Variants in MROH2B observed in about 807,000 individuals in gnomAD.
MROH2B encodes the protein maestro heat-like repeat-containing protein family member 2B.
In MROH2B, 177 loss-of-function variants were observed where a neutral mutation model predicts 208.6. The ratio of observed to expected loss-of-function variants is 0.85; its 90% CI spans 0.75 to 0.96. MROH2B has a LOEUF of 0.96. Ranked by LOEUF, MROH2B falls within the 40% of genes least tolerant of loss-of-function variation. The probability of loss-of-function intolerance (pLI) is 0.00; values close to 1 mark genes in which losing one functional copy is unlikely to be tolerated. For synonymous variants in MROH2B, 728 were observed against 659.0 expected (o/e 1.10, Z -1.60); for missense variants, 2,002 against 1,878.7 (o/e 1.07, Z -1.21).
intron 35 of MROH2B, 83 bp downstream of exon 35, chr5:41,005,448 C>A: frequency 5.3e-6 from 2 of 380,832 alleles, no homozygotes; most frequent in South Asian, 2.6e-5. Flanking sequence ...TTCCCTGGTT[C>A]CAGTGCACAC....
At chr5:41,004,693 G>T in intron 36 of MROH2B, 81 bp downstream of exon 36, 1 of 1,547,044 alleles carries the variant, frequency 6.5e-7, no homozygotes. Flanking sequence ...TAATTTGTAT[G>T]CAACAACTAG....
intron 29 of MROH2B, among the ~76,000 whole-genome samples, 160 bp from the exon 30 acceptor site, chr5:41,012,895 G>A (rs1319654770): frequency 6.6e-6 from 1 of 152,188 alleles, no homozygotes; most frequent in Non-Finnish European, 1.5e-5. Context: ...CTAGAACAGG[G>A]CATAGACATG....
rs748366162 is a variant in MROH2B at position 41,064,521 on chromosome 5, G to T, written c.411C>A (p.Thr137=). The part of the protein sequence containing the change: ...FMMMTLLTMQ[T]MLRLAEDERM... Reference sequence around the variant, plus strand: ...TTTCATCCTCGGCCAGCCTGAGCATGGTTTGCATGGTGAGCAGGGTCATCA... The same window carrying T: ...TTTCATCCTCGGCCAGCCTGAGCATTGTTTGCATGGTGAGCAGGGTCATCA... The change falls in exon 5 of 42, where the codon ACC becomes ACA. Residue 137 remains threonine (T), a synonymous_variant. Coordinates refer to ENST00000399564, the MANE Select transcript of MROH2B (RefSeq NM_173489.5). 2 of 1,613,356 alleles carry T rather than the reference G, an allele frequency of 1.2e-6. No homozygotes were observed. Among genetic ancestry groups the T allele is most frequent in the African/African-American group, 2.7e-5 (2 of 74,882 alleles).
intron 2 of MROH2B, among the ~76,000 whole-genome samples, chr5:41,069,077 T>C (rs1743899084): frequency 6.6e-6 from 1 of 152,174 alleles, no homozygotes; most frequent in Admixed American, 6.6e-5. Flanking sequence ...CTGTTGTTCT[T>C]AGTTGAGCAA....
At position 41,009,412 on chromosome 5, in the gene MROH2B, G is replaced by C; in HGVS notation, c.3294-6C>G. ...TCCACAATGTCTTTGTGTCCCTAGG[G>C]TGGCAAAGCAGGAAATTGGTAGATA... is the stretch of plus-strand genomic sequence containing the variant. On this transcript the variant is annotated splice_polypyrimidine_tract_variant and splice_region_variant and intron_variant, in intron 31 of 41. Coordinates refer to ENST00000399564, the MANE Select transcript of MROH2B (RefSeq NM_173489.5). The C allele has an allele frequency of 6.2e-7, 1 of 1,612,822 alleles. No individual in the cohort carries two copies. The highest frequency in any genetic ancestry group is 8.5e-7 in the Non-Finnish European group (1 of 1,179,290).
At position 41,055,842 on chromosome 5, in the gene MROH2B, A is replaced by G; in HGVS notation, c.933T>C (p.Pro311=). ...CATCAAAAAATTCCATCAGCTCTCC[A>G]GGATTGGAATGGGCTGCAGGTTCAA... ...SCFLILAHSN[P]GELMEFFDEQ... Residue 311 remains proline (P), a synonymous_variant, in exon 10 of 42, where the codon CCT becomes CCC. Coordinates refer to ENST00000399564, the MANE Select transcript of MROH2B (RefSeq NM_173489.5). The G allele has an allele frequency of 1.2e-6, 2 of 1,613,212 alleles. No individual in the cohort carries two copies. The highest frequency in any genetic ancestry group is 1.7e-6 in the Non-Finnish European group (2 of 1,179,262).
intron 12 of MROH2B, 76 bp downstream of exon 12, chr5:41,052,389 A>AT: frequency 7.2e-7 from 1 of 1,381,206 alleles, no homozygotes; most frequent in Non-Finnish European, 9.5e-7. Flanking sequence ...GATCCTAATC[A>AT]TTTTTTAAAA....
At chr5:41,032,015 G>C (rs1742587683) in intron 24 of MROH2B, among the ~76,000 whole-genome samples, 2 of 152,112 alleles carry the variant, frequency 1.3e-5, no homozygotes, top group Admixed American at 1.3e-4. Context: ...TTGCTGCTGT[G>C]AATAGTGCTG....
At chr5:41,047,806 C>T (rs1743167340) in intron 16 of MROH2B, 42 bp from the exon 17 acceptor site, 1 of 1,531,472 alleles carries the variant, frequency 6.5e-7, no homozygotes. Flanking sequence ...AAAAACAAAA[C>T]CACCCCAAGA....
chr5:41,023,945 T>C (rs1742253857), intron 24 of MROH2B, among the ~76,000 whole-genome samples: 1 of 152,146 alleles, frequency 6.6e-6, no homozygotes, highest in African/African-American at 2.4e-5. Context: ...GCTTCATAAA[T>C]AAAGGAGAAA....
At chr5:41,042,373 G>A (rs889137602) in intron 18 of MROH2B, among the ~76,000 whole-genome samples, 165 bp from the exon 19 acceptor site, 39 of 152,064 alleles carry the variant, frequency 2.6e-4, no homozygotes, top group African/African-American at 8.9e-4. Flanking sequence ...CTTCCTCCAG[G>A]CTCTGCCCTC....
chr5:41,050,455 T>A (rs1317466140), intron 13 of MROH2B, among the ~76,000 whole-genome samples: 7 of 152,158 alleles, frequency 4.6e-5, no homozygotes, highest in Non-Finnish European at 1.0e-4. Flanking sequence ...TTTAAGTAAA[T>A]ATCCCAGCTA....
At chr5:41,056,896 A>G (rs648563) in intron 9 of MROH2B, among the ~76,000 whole-genome samples, 125,865 of 152,104 alleles carry the variant, frequency 0.83, 52,158 homozygotes, top group Middle Eastern at 0.87. Flanking sequence ...CCAGTCGTGG[A>G]AACCCTGGCA....
Position 41,049,366 on chromosome 5 carries a change from C to T in MROH2B, c.1415G>A (p.Ser472Asn). Residue 472 changes from serine to asparagine, a missense_variant, in exon 14 of 42, where the codon AGT becomes AAT. Transcript: ENST00000399564. ...TGCCATAATCAGAATTCTGATGATA[C>T]TAAACAGGGGCTCCAGAGCTTCTGT... Reference protein sequence around the residue: ...EYTEALEPLFSIIRILIMAEE... With the variant: ...EYTEALEPLFNIIRILIMAEE... The T allele has an allele frequency of 6.2e-7, 1 of 1,613,744 alleles. No individual in the cohort carries two copies. Among genetic ancestry groups the T allele is most frequent in the Non-Finnish European group, 8.5e-7 (1 of 1,179,782 alleles).
At position 41,045,692 on chromosome 5, in the gene MROH2B, G is replaced by A. The variant is rs950777631; in HGVS notation, c.1836+54C>T. ...ATACAGACAAGATGGAGCTAGAGCA[G>A]CCATTTTGGATCATAGGTAAAAGCT... On this transcript the variant is annotated intron_variant, in intron 18 of 41. Coordinates refer to ENST00000399564, the MANE Select transcript of MROH2B (RefSeq NM_173489.5). 6 of 1,335,408 alleles carry A rather than the reference G, an allele frequency of 4.5e-6. No homozygotes were observed. In the African/African-American group the frequency reaches 8.6e-5, roughly 19 times the overall value. The allele number at this position is 1,335,408 out of a possible 1,614,324, so 82.7% of individuals were successfully genotyped here. A position where few individuals can be genotyped will look rare whatever the true frequency, so the allele number is the denominator to read the frequency against.
chr5:40,998,599 G>T lies in MROH2B; in HGVS notation c.4651+13C>A. On this transcript the variant is annotated intron_variant, in intron 41 of 41. Transcript: ENST00000399564. ...GTAACAATATGCTGGGAAGAAACTA[G>T]GTTGGTACTCACGTGTGGTCAGTTG... The T allele has an allele frequency of 2.5e-6, 4 of 1,584,868 alleles. No homozygotes were observed. Among genetic ancestry groups the T allele is most frequent in the Non-Finnish European group, 3.4e-6 (4 of 1,162,038 alleles).
Position 41,049,348 on chromosome 5 carries a change from A to C in MROH2B, c.1433T>G (p.Ile478Ser). The C allele has an allele frequency of 1.2e-6, 2 of 1,613,752 alleles. No individual in the cohort carries two copies. Among genetic ancestry groups the C allele is most frequent in the Non-Finnish European group, 1.7e-6 (2 of 1,179,804 alleles). The part of the protein sequence containing the change: ...EPLFSIIRIL[I>S]MAEEKKQHSA... Reference sequence around the variant, plus strand: ...GTGCTGCTTCTTCTCCTCTGCCATAATCAGAATTCTGATGATACTAAACAG... The same window carrying C: ...GTGCTGCTTCTTCTCCTCTGCCATACTCAGAATTCTGATGATACTAAACAG... The change falls in exon 14 of 42, where the codon ATT (isoleucine) becomes AGT (serine). Residue 478 changes from isoleucine to serine, a missense_variant. Physicochemically the swap from Ile to Ser is moderately radical, Grantham distance 142 (BLOSUM62 -2). Coordinates refer to ENST00000399564, the MANE Select transcript of MROH2B (RefSeq NM_173489.5).
At chr5:41,025,326 G>C (rs1742314705) in intron 24 of MROH2B, among the ~76,000 whole-genome samples, 1 of 151,824 alleles carries the variant, frequency 6.6e-6, no homozygotes. Flanking sequence ...GAATCAAACA[G>C]ACACAATAAA....
At chr5:41,033,221 A>C (rs1027281700) in intron 22 of MROH2B, 61 bp from the exon 23 acceptor site, 1 of 1,587,474 alleles carries the variant, frequency 6.3e-7, no homozygotes, top group African/African-American at 1.3e-5. Flanking sequence ...AGGTCTATTA[A>C]CATGTGACCT....
Sources: gnomAD v4.1 joint callset for allele counts (sites outside exome capture counted in the v4.1 genomes callset) on GRCh38, gnomAD v4.1.1 for gene constraint, MANE v1.5 for transcripts, NCBI Gene and HGNC (gene_info 2026-07-23, HGNC 2026-07-21) for gene names.